CDH13: variants seen among roughly 807,000 people sequenced by gnomAD.
The protein encoded by CDH13 is cadherin 13.
A neutral mutation model predicts 63.8 loss-of-function variants in CDH13; 24 were observed. That is an observed-to-expected ratio of 0.38 (90% CI 0.27 to 0.53). CDH13 has a LOEUF of 0.53. Ranked by LOEUF, CDH13 falls within the 20% of genes least tolerant of loss-of-function variation. CDH13 has a pLI of 0.85. For missense variants in CDH13, 1,049 were observed against 903.1 expected, an observed-to-expected ratio of 1.16 and a Z score of -2.07; for synonymous variants, 503 against 355.3, an observed-to-expected ratio of 1.42 and a Z score of -4.67.
chr16:83,346,764 CAT>C (rs1466074486), intron 6 of CDH13, among the ~76,000 whole-genome samples: 5 of 152,218 alleles, frequency 3.3e-5, no homozygotes, highest in African/African-American at 9.6e-5. Flanking sequence ...TCTTTATGCA[CAT>C]GTTATTTTGT....
chr16:82,652,008 C>T (rs1910775446), intron 1 of CDH13, among the ~76,000 whole-genome samples: 1 of 152,238 alleles, frequency 6.6e-6, no homozygotes, highest in Non-Finnish European at 1.5e-5. Context: ...TTTAAGCCTA[C>T]TAGTTTCACT....
intron 6 of CDH13, among the ~76,000 whole-genome samples, chr16:83,379,026 C>T (rs72804346): frequency 0.44 from 65,163 of 148,786 alleles, 15,929 homozygotes; most frequent in East Asian, 0.71. Flanking sequence ...CACACACACA[C>T]GTGTGTGTAT....
At chr16:83,085,691 GGA>G (rs2033547483) in intron 3 of CDH13, among the ~76,000 whole-genome samples, 1 of 152,186 alleles carries the variant, frequency 6.6e-6, no homozygotes, top group Non-Finnish European at 1.5e-5. Flanking sequence ...GCAAGAAGAA[GGA>G]GAGAAATAAA....
intron 1 of CDH13, among the ~76,000 whole-genome samples, chr16:82,831,278 C>A (rs995378702): frequency 2.0e-5 from 3 of 152,090 alleles, no homozygotes; most frequent in Non-Finnish European, 4.4e-5. Flanking sequence ...AACCCCAGGC[C>A]GAAACCATAC....
intron 10 of CDH13, among the ~76,000 whole-genome samples, chr16:83,708,327 T>C (rs543632103): frequency 6.6e-6 from 1 of 152,222 alleles, no homozygotes; most frequent in Non-Finnish European, 1.5e-5. Context: ...TTTCATTTGC[T>C]TGGGTTCAAC....
At chr16:83,478,579 T>A (rs1371078399) in intron 6 of CDH13, among the ~76,000 whole-genome samples, 1 of 152,266 alleles carries the variant, frequency 6.6e-6, no homozygotes, top group African/African-American at 2.4e-5. Flanking sequence ...CCTGGATAAC[T>A]GGGCAACCCA....
intron 1 of CDH13, among the ~76,000 whole-genome samples, chr16:82,669,301 C>T (rs1424584575): frequency 1.3e-5 from 2 of 152,176 alleles, no homozygotes; most frequent in Non-Finnish European, 2.9e-5. Context: ...TAGTATATGG[C>T]TCTGCCCTGG....
At chr16:82,719,769 C>T (rs541318478) in intron 1 of CDH13, among the ~76,000 whole-genome samples, 3 of 148,330 alleles carry the variant, frequency 2.0e-5, no homozygotes, top group Non-Finnish European at 3.0e-5. Flanking sequence ...TCACTTAAAC[C>T]TGGGAGGCAG....
intron 1 of CDH13, among the ~76,000 whole-genome samples, chr16:82,643,911 TAATTAAA>T (rs1217047728): frequency 4.8e-5 from 3 of 62,616 alleles, no homozygotes; most frequent in Admixed American, 1.9e-4. Flanking sequence ...CAGGCCCAGT[TAATTAAA>T]AAAAAAAAAA....
chr16:83,499,268 C>T (rs2074216751), intron 7 of CDH13, among the ~76,000 whole-genome samples: 1 of 152,212 alleles, frequency 6.6e-6, no homozygotes, highest in South Asian at 2.1e-4. Flanking sequence ...GCAAAATACT[C>T]CTTAAGCTGT....
At chr16:83,070,984 C>T (rs951255616) in intron 3 of CDH13, among the ~76,000 whole-genome samples, 1 of 151,656 alleles carries the variant, frequency 6.6e-6, no homozygotes, top group Non-Finnish European at 1.5e-5. Flanking sequence ...CATGATAGCA[C>T]CGTCTTAACA....
intron 10 of CDH13, among the ~76,000 whole-genome samples, chr16:83,747,770 C>A (rs146068284): frequency 2.2e-4 from 32 of 148,108 alleles, no homozygotes; most frequent in African/African-American, 7.3e-4. Flanking sequence ...CGAGATACAT[C>A]TGAGGTGTGA....
chr16:83,623,663 GA>G (rs1237571979), intron 8 of CDH13, among the ~76,000 whole-genome samples: 1 of 152,174 alleles, frequency 6.6e-6, no homozygotes, highest in Non-Finnish European at 1.5e-5. Context: ...ATCAGAGCCA[GA>G]ACCAGTTAGC....
chr16:83,686,154 G>T (rs927100855), intron 10 of CDH13, among the ~76,000 whole-genome samples: 2 of 152,174 alleles, frequency 1.3e-5, no homozygotes, highest in South Asian at 4.1e-4. Context: ...TCAGAACGCC[G>T]GAGCTTCCTC....
intron 1 of CDH13, chr16:82,639,458 C>T: frequency 1.3e-6 from 2 of 1,531,444 alleles, no homozygotes; most frequent in Non-Finnish European, 8.7e-7. Flanking sequence ...GCAGCTTCAA[C>T]CATGCAGGTA....
chr16:82,814,950 ACC>A (rs2037631259), intron 1 of CDH13, among the ~76,000 whole-genome samples: 2 of 152,028 alleles, frequency 1.3e-5, no homozygotes. Context: ...TTGGGGAAAA[ACC>A]CACTCATACT....
At chr16:83,230,311 A>G (rs1343556700) in intron 5 of CDH13, among the ~76,000 whole-genome samples, 1 of 152,282 alleles carries the variant, frequency 6.6e-6, no homozygotes, top group East Asian at 1.9e-4. Flanking sequence ...AGATATATTT[A>G]GAAAATGGAT....
intron 7 of CDH13, among the ~76,000 whole-genome samples, chr16:83,490,956 C>G (rs2074000350): frequency 1.3e-5 from 2 of 152,140 alleles, no homozygotes. Context: ...AAATATAGCA[C>G]CAGATAAATA....
At chr16:83,466,707 C>T (rs375666855) in intron 6 of CDH13, among the ~76,000 whole-genome samples, 1 of 152,178 alleles carries the variant, frequency 6.6e-6, no homozygotes, top group South Asian at 2.1e-4. Context: ...CTCCTGGATT[C>T]CCTAGTTTGG....
Sources: allele counts gnomAD v4.1 joint callset (sites outside exome capture counted in the v4.1 genomes callset), GRCh38; gene constraint gnomAD v4.1.1; transcripts MANE v1.5; gene names NCBI Gene and HGNC (gene_info 2026-07-23, HGNC 2026-07-21).